Variants in NCAM2 observed in about 807,000 individuals in gnomAD.
NCAM2 encodes N-CAM-2.
NCAM2 carries 30 observed loss-of-function variants against 98.1 expected under a neutral mutation model. That is an observed-to-expected ratio of 0.31 (90% confidence interval 0.23 to 0.41). NCAM2 has a LOEUF of 0.41. NCAM2 is among the 10% of genes least tolerant of loss of function. The pLI, the probability that NCAM2 is intolerant of heterozygous loss-of-function variation, is 1.00. For synonymous variants in NCAM2, 368 were observed against 342.4 expected, an observed-to-expected ratio of 1.07 and a Z score of -0.83; for missense variants, 867 against 1,005.8, an observed-to-expected ratio of 0.86 and a Z score of 1.87.
At chr21:21,455,569 T>C (rs931332769) in intron 12 of NCAM2, among the ~76,000 whole-genome samples, 2 of 152,108 alleles carry the variant, frequency 1.3e-5, no homozygotes, top group East Asian at 3.9e-4. Context: ...TGTTTTAAAA[T>C]GCTATATATC....
chr21:21,314,387 A>T (rs181079219), intron 5 of NCAM2, among the ~76,000 whole-genome samples: 2 of 152,270 alleles, frequency 1.3e-5, no homozygotes, highest in African/African-American at 2.4e-5. Flanking sequence ...TTCTTCTCCT[A>T]TAACTATTGC....
intron 10 of NCAM2, among the ~76,000 whole-genome samples, chr21:21,415,890 C>T (rs1384415931): frequency 6.6e-6 from 1 of 152,162 alleles, no homozygotes; most frequent in African/African-American, 2.4e-5. Flanking sequence ...TCCAGGCCAA[C>T]AAAATATTTC....
intron 4 of NCAM2, among the ~76,000 whole-genome samples, chr21:21,288,817 A>G (rs529347615): frequency 1.3e-5 from 2 of 152,112 alleles, no homozygotes; most frequent in Non-Finnish European, 2.9e-5. Context: ...AAAGTAAAAT[A>G]TAGATATTCC....
intron 9 of NCAM2, among the ~76,000 whole-genome samples, chr21:21,403,922 A>G (rs1051445567): frequency 2.6e-5 from 4 of 152,260 alleles, no homozygotes; most frequent in African/African-American, 9.6e-5. Context: ...TTAAAATATG[A>G]GTTCAATTTA....
intron 1 of NCAM2, among the ~76,000 whole-genome samples, chr21:20,999,905 G>GT (rs2063988375): frequency 6.6e-6 from 1 of 152,170 alleles, no homozygotes; most frequent in Non-Finnish European, 1.5e-5. Flanking sequence ...CAGCTATAGT[G>GT]TTAGTGGCGG....
At chr21:21,332,360 G>T (rs554724120) in intron 6 of NCAM2, among the ~76,000 whole-genome samples, 1 of 152,220 alleles carries the variant, frequency 6.6e-6, no homozygotes, top group South Asian at 2.1e-4. Context: ...CTTTTAGGTG[G>T]ATCCAAACCA....
chr21:21,480,635 A>T (rs1985792737), intron 15 of NCAM2, among the ~76,000 whole-genome samples: 1 of 152,236 alleles, frequency 6.6e-6, no homozygotes, highest in Non-Finnish European at 1.5e-5. Flanking sequence ...ATTGTAAAAC[A>T]TCTTCCAAAA....
chr21:21,410,439 C>G lies in NCAM2; in HGVS notation c.1361C>G (p.Thr454Arg), dbSNP rs762028251. 2 of 1,563,904 alleles carry G rather than the reference C, an allele frequency of 1.3e-6. No individual in the cohort carries two copies. The change falls in exon 10 of 18, where the codon ACA becomes AGA. Residue 454 changes from threonine to arginine, a missense_variant. Coordinates refer to ENST00000400546, the MANE Select transcript of NCAM2 (RefSeq NM_004540.5). ...ACGACCAATTTAAAGACTTATAGTACAGGAAGAAAGATGATATTAGAGGTA... is the reference window on the plus strand; with the variant it reads ...ACGACCAATTTAAAGACTTATAGTAGAGGAAGAAAGATGATATTAGAGGTA... The part of the protein sequence containing the change: ...KNTTNLKTYS[T>R]GRKMILEIAP...
At position 21,522,418 on chromosome 21, in the gene NCAM2, G is replaced by C. The variant is rs564840225; in HGVS notation, c.2283-12119G>C. The stretch of plus-strand genomic sequence containing the variant: ...TTTTACATCTGATTTTTCTGCAGAA[G>C]CCATAAAACAAGAAGAGAGTGAAGT... On this transcript the variant is annotated intron_variant, in intron 16 of 17. Transcript: ENST00000400546. 2.0e-4 allele frequency among the ~76,000 whole-genome samples: 30 copies of C among 150,904 alleles called. No individual in the cohort carries two copies. In the South Asian group the frequency reaches 2.5e-3, roughly 13 times the overall value.
At chr21:21,431,995 A>C in intron 11 of NCAM2, 113 bp from the exon 12 acceptor site, 1 of 829,156 alleles carries the variant, frequency 1.2e-6, no homozygotes, top group Non-Finnish European at 1.8e-6. Context: ...GAACATATTA[A>C]GTGATACAGG....
At chr21:21,199,403 T>C (rs2069127262) in intron 1 of NCAM2, among the ~76,000 whole-genome samples, 1 of 152,160 alleles carries the variant, frequency 6.6e-6, no homozygotes. Context: ...CGGACTTGTG[T>C]GGCTCAGACC....
At chr21:21,014,145 G>A (rs1364910523) in intron 1 of NCAM2, among the ~76,000 whole-genome samples, 7 of 152,130 alleles carry the variant, frequency 4.6e-5, no homozygotes, top group East Asian at 3.9e-4. Context: ...TAGTCCTAGC[G>A]TCCTTAAGAA....
chr21:21,375,730 A>G (rs545020747), intron 9 of NCAM2, among the ~76,000 whole-genome samples: 1 of 151,496 alleles, frequency 6.6e-6, no homozygotes, highest in South Asian at 2.1e-4. Context: ...ATTTTTCTAA[A>G]TGTGAATCTA....
chr21:21,350,949 G>GA (rs11368423), intron 8 of NCAM2, among the ~76,000 whole-genome samples: 43,018 of 136,372 alleles, frequency 0.32, 7,153 homozygotes, highest in African/African-American at 0.37. Flanking sequence ...AAAAAAAAAA[G>GA]GAGAGAAAAG....
intron 1 of NCAM2, among the ~76,000 whole-genome samples, chr21:21,048,660 CCTTGAATGTATTT>C (rs549426621): frequency 3.5e-4 from 54 of 152,192 alleles, no homozygotes; most frequent in Non-Finnish European, 6.5e-4. Context: ...CTGATGTATT[CCTTGAATGTATTT>C]GATTAATGTC....
intron 12 of NCAM2, among the ~76,000 whole-genome samples, chr21:21,439,712 A>G (rs1978961235): frequency 6.6e-6 from 1 of 152,238 alleles, no homozygotes; most frequent in South Asian, 2.1e-4. Flanking sequence ...GCAAAGTACC[A>G]GCAATAAATA....
chr21:21,421,455 T>G (rs1032444149), intron 11 of NCAM2, among the ~76,000 whole-genome samples: 3 of 152,112 alleles, frequency 2.0e-5, no homozygotes, highest in Admixed American at 2.0e-4. Flanking sequence ...AAGAATTTGT[T>G]TTAGAAAAAG....
intron 1 of NCAM2, among the ~76,000 whole-genome samples, chr21:21,175,258 G>C (rs2068245548): frequency 6.6e-6 from 1 of 152,094 alleles, no homozygotes; most frequent in African/African-American, 2.4e-5. Flanking sequence ...GTGGTGGCCG[G>C]GTACCGTGGC....
At chr21:21,353,525 A>C (rs894384123) in intron 8 of NCAM2, among the ~76,000 whole-genome samples, 2 of 152,184 alleles carry the variant, frequency 1.3e-5, no homozygotes, top group Non-Finnish European at 2.9e-5. Context: ...GCGAGTGCAC[A>C]TAAGGTCTCT....
Sources: gnomAD v4.1 joint callset for allele counts (sites outside exome capture counted in the v4.1 genomes callset) on GRCh38, gnomAD v4.1.1 for gene constraint, MANE v1.5 for transcripts, NCBI Gene and HGNC (gene_info 2026-07-23, HGNC 2026-07-21) for gene names.